MYO16: variants seen among roughly 807,000 people sequenced by gnomAD.
MYO16 encodes myosin XVI.
Under a neutral mutation model 205.3 loss-of-function variants are expected in MYO16, and 94 were observed. That is an observed-to-expected ratio of 0.46 (90% CI 0.39 to 0.54). MYO16 has a LOEUF of 0.54. Among genes scored for constraint, MYO16 ranks in the 20% least tolerant of loss-of-function variants. The pLI is 0.00. For synonymous variants in MYO16, 988 were observed against 954.0 expected (o/e 1.04, Z -0.66); for missense variants, 2,315 against 2,387.5 (o/e 0.97, Z 0.63).
chr13:109,140,979 C>A lies in MYO16; in HGVS notation c.4767C>A (p.Ala1589=), dbSNP rs750724202. The A allele has an allele frequency of 1.4e-5, 19 of 1,406,302 alleles. No homozygotes were observed. Among genetic ancestry groups the A allele is most frequent in the Non-Finnish European group, 1.7e-5 (18 of 1,076,370 alleles). 87.1% of individuals were successfully genotyped at this position (1,406,302 alleles called of 1,614,324 possible). ...CGCTGTTCAACGGGTCCGGCCGAGC[C>A]TCCCCGCCGTCCACGCCGCCCCCGC... The part of the protein sequence containing the change: ...GLALFNGSGR[A]SPPSTPPPPP... The change falls in exon 32 of 35, where the codon GCC becomes GCA. Residue 1589 remains alanine (A), a synonymous_variant. Coordinates refer to ENST00000457511, the MANE Select transcript of MYO16 (RefSeq NM_001198950.3). This position sits in a 1 kb window ranked among gnomAD's most constrained non-coding sequence, Gnocchi z 8.0.
chr13:108,845,143 G>A (rs1221559756), intron 10 of MYO16, among the ~76,000 whole-genome samples: 1 of 152,090 alleles, frequency 6.6e-6, no homozygotes, highest in Non-Finnish European at 1.5e-5. Flanking sequence ...GCTTTCTTCA[G>A]TGTATCTAAT....
chr13:108,825,173 C>T (rs908971223), intron 9 of MYO16, among the ~76,000 whole-genome samples: 1 of 151,862 alleles, frequency 6.6e-6, no homozygotes, highest in Non-Finnish European at 1.5e-5. Flanking sequence ...TCAGGTTGAG[C>T]CACATATAAA....
chr13:109,141,488 C>T lies in MYO16; in HGVS notation c.5164+112C>T, dbSNP rs1877095296. 5.3e-6 allele frequency: 4 copies of T among 751,108 alleles called. No individual in the cohort carries two copies. The highest frequency in any genetic ancestry group is 7.7e-6 in the Non-Finnish European group (4 of 516,600). 46.5% of individuals were successfully genotyped at this position (751,108 alleles called of 1,614,324 possible). A position where few individuals can be genotyped will look rare whatever the true frequency, so the allele number is the denominator to read the frequency against. ...AAATAGTAAAGTTTCAGGTGATGGC[C>T]GTGGTCGTTCAGAGCAGATATCAGC... On this transcript the variant is annotated intron_variant, in intron 32 of 34. Coordinates refer to ENST00000457511, the MANE Select transcript of MYO16 (RefSeq NM_001198950.3). This position sits in a 1 kb window ranked among gnomAD's most constrained non-coding sequence, Gnocchi z 4.1.
chr13:109,118,811 T>C (rs1594101301), intron 28 of MYO16, among the ~76,000 whole-genome samples: 1 of 150,876 alleles, frequency 6.6e-6, no homozygotes, highest in African/African-American at 2.4e-5. Flanking sequence ...TTATGGAAAA[T>C]AACTGGGAAG....
chr13:108,944,265 T>C (rs1243394386), intron 16 of MYO16, among the ~76,000 whole-genome samples: 1 of 152,244 alleles, frequency 6.6e-6, no homozygotes, highest in African/African-American at 2.4e-5. Context: ...TTACTTTTAA[T>C]TACTTTTGTA....
intron 22 of MYO16, among the ~76,000 whole-genome samples, chr13:109,012,105 T>C (rs988286882): frequency 1.3e-5 from 2 of 152,160 alleles, no homozygotes; most frequent in African/African-American, 4.8e-5. Flanking sequence ...AATTACCTTA[T>C]TGTGAAAGGT....
intron 16 of MYO16, among the ~76,000 whole-genome samples, chr13:108,922,522 A>G (rs1429097063): frequency 6.6e-6 from 1 of 152,248 alleles, no homozygotes; most frequent in Non-Finnish European, 1.5e-5. Context: ...TAGAGGAGGA[A>G]AAAAGAGAGA....
chr13:108,499,167 C>CT, the MYO16 span, among the ~76,000 whole-genome samples: 1 of 152,106 alleles, frequency 6.6e-6, no homozygotes, highest in Non-Finnish European at 1.5e-5. Flanking sequence ...TAAGCATGGA[C>CT]TTTTTTTCAA....
chr13:109,070,509 C>A (rs1887891445), intron 27 of MYO16, among the ~76,000 whole-genome samples: 2 of 152,190 alleles, frequency 1.3e-5, no homozygotes, highest in African/African-American at 4.8e-5. Context: ...TTGTTATTAT[C>A]TTACCAGCTT....
chr13:108,509,237 T>A, the MYO16 span, among the ~76,000 whole-genome samples: 1 of 147,774 alleles, frequency 6.8e-6, no homozygotes, highest in African/African-American at 2.5e-5. Flanking sequence ...GAATCCCAGA[T>A]AAATATCAAC....
At chr13:108,824,595 G>A (rs1876155090) in intron 9 of MYO16, among the ~76,000 whole-genome samples, 1 of 151,904 alleles carries the variant, frequency 6.6e-6, no homozygotes, top group Non-Finnish European at 1.5e-5. Flanking sequence ...GGGAATAGAA[G>A]ACTTAAATAG....
chr13:108,815,263 A>G (rs1425825659), intron 7 of MYO16, among the ~76,000 whole-genome samples: 1 of 152,186 alleles, frequency 6.6e-6, no homozygotes, highest in South Asian at 2.1e-4. Flanking sequence ...AACGATGTCC[A>G]TGTCCTAATC....
chr13:109,127,342 C>T lies in MYO16; in HGVS notation c.3843C>T (p.Ala1281=), dbSNP rs368440442. The T allele has an allele frequency of 3.0e-5, 48 of 1,612,402 alleles. No homozygotes were observed. The highest frequency in any genetic ancestry group is 4.5e-5 in the East Asian group (2 of 44,864). Residue 1281 remains alanine, a synonymous_variant, in exon 31 of 35, where the codon GCC becomes GCT. Transcript: ENST00000457511. This position sits in a 1 kb window ranked among gnomAD's most constrained non-coding sequence, Gnocchi z 4.2. ...CCAGCTCCATGTCAGTCTGCGCGGCCGTGGATGGCCTGGGCCAGTGCCTCG... is the reference window on the plus strand; with the variant it reads ...CCAGCTCCATGTCAGTCTGCGCGGCTGTGGATGGCCTGGGCCAGTGCCTCG... ...FHPSSMSVCA[A]VDGLGQCLVG...
chr13:108,640,194 A>C (rs1437132597), intron 1 of MYO16, among the ~76,000 whole-genome samples: 1 of 152,202 alleles, frequency 6.6e-6, no homozygotes, highest in East Asian at 1.9e-4. Context: ...AGTGGTTTGC[A>C]AAGGAGTTAA....
At chr13:108,822,417 G>A (rs1876028570) in intron 8 of MYO16, among the ~76,000 whole-genome samples, 1 of 152,126 alleles carries the variant, frequency 6.6e-6, no homozygotes, top group Non-Finnish European at 1.5e-5. Flanking sequence ...TGACGATTGA[G>A]AAGAAGCAGC....
intron 2 of MYO16, among the ~76,000 whole-genome samples, chr13:108,710,092 A>G (rs1040991941): frequency 1.3e-5 from 2 of 152,008 alleles, no homozygotes; most frequent in Non-Finnish European, 2.9e-5. Flanking sequence ...ATTCCTGTGC[A>G]ATGTTCTTTA....
At chr13:109,164,823 A>AT in intron 32 of MYO16, 78 bp from the exon 33 acceptor site, 1 of 711,186 alleles carries the variant, frequency 1.4e-6, no homozygotes, top group Non-Finnish European at 2.0e-6. Context: ...ATGTTTTATT[A>AT]TTTTCTCCAA....
chr13:108,606,461 GCTTGGGC>G (rs1878962646), intron 1 of MYO16, among the ~76,000 whole-genome samples: 1 of 152,210 alleles, frequency 6.6e-6, no homozygotes, highest in Non-Finnish European at 1.5e-5. Flanking sequence ...CCAAGGTACA[GCTTGGGC>G]CTTTGTTTTA....
At chr13:108,715,962 A>T (rs144826555) in intron 3 of MYO16, among the ~76,000 whole-genome samples, 50 of 151,952 alleles carry the variant, frequency 3.3e-4, no homozygotes, top group Non-Finnish European at 5.9e-4. Flanking sequence ...ACTGTCTTGG[A>T]TACTTTTCTT....
Sources: gnomAD v4.1 joint callset for allele counts (sites outside exome capture counted in the v4.1 genomes callset) on GRCh38, gnomAD v4.1.1 for gene constraint, Gnocchi (gnomAD v3.1) non-coding constraint, MANE v1.5 for transcripts, NCBI Gene and HGNC (gene_info 2026-07-23, HGNC 2026-07-21) for gene names.